The following TRRAP variants were observed in gnomAD, a reference collection of about 807,000 sequenced individuals.
The protein encoded by TRRAP is transformation/transcription domain-associated protein.
Under a neutral mutation model 438.8 loss-of-function variants are expected in TRRAP, and 41 were observed. The observed-to-expected ratio is 0.09, with a 90% CI of 0.07 to 0.12. TRRAP has a LOEUF of 0.12. Ranked by LOEUF, TRRAP falls within the 10% of genes least tolerant of loss-of-function variation. The pLI is 1.00. For missense variants in TRRAP, 3,122 were observed against 5,055.1 expected (o/e 0.62, Z 11.60); for synonymous variants, 1,994 against 1,962.9 (o/e 1.02, Z -0.42).
chr7:98,944,321 CAA>C (rs1352910291), intron 31 of TRRAP, among the ~76,000 whole-genome samples: 1 of 151,668 alleles, frequency 6.6e-6, no homozygotes, highest in African/African-American at 2.4e-5. Flanking sequence ...TCATTTGAAT[CAA>C]AAAGATTTAA....
In TRRAP at chr7:98,984,124, G is replaced by T. The variant is rs753496910; in HGVS notation, c.9054G>T (p.Gln3018His). The T allele has an allele frequency of 6.2e-7, 1 of 1,612,952 alleles. No individual in the cohort carries two copies. The highest frequency in any genetic ancestry group is 8.5e-7 in the Non-Finnish European group (1 of 1,179,442). The change falls in exon 61 of 73, where the codon CAG becomes CAT. Residue 3018 changes from glutamine (Q) to histidine (H), a missense_variant. Gln to His is a conservative substitution (Grantham distance 24, BLOSUM62 0). This residue lies in a region of TRRAP where 129 missense variants were observed against 279.2 expected (regional missense o/e 0.46). Transcript: ENST00000456197. The part of the protein sequence containing the change: ...AIVTAYENSS[Q>H]HDPSSNNAML... Reference sequence around the variant, plus strand: ...TAACTGCCTATGAGAATAGCTCTCAGCATGATCCCAGTTCAAATAACGCTA... The same window carrying T: ...TAACTGCCTATGAGAATAGCTCTCATCATGATCCCAGTTCAAATAACGCTA...
rs768255875 is a variant in TRRAP at position 99,011,120 on chromosome 7, G to A, written c.11007G>A (p.Ala3669=). Residue 3669 remains alanine, a synonymous_variant, in exon 71 of 73, where the codon GCG becomes GCA. Transcript: ENST00000456197. The surrounding 1 kb of genome is among the most constrained non-coding windows in gnomAD (Gnocchi z 7.1). ...CGCGCAGCATGCTCAAGGAGTGGGC[G>A]CTGCACACCTTCCCCAATGCCACGG... is the stretch of plus-strand genomic sequence containing the variant. The part of the protein sequence containing the change: ...MVPRSMLKEW[A]LHTFPNATDY... 59 of 1,613,994 alleles carry A rather than the reference G, an allele frequency of 3.7e-5. No homozygotes were observed. The highest frequency in any genetic ancestry group is 2.3e-4 in the Admixed American group (14 of 59,994).
chr7:98,946,190 A>G lies in TRRAP; in HGVS notation c.4548+240A>G, dbSNP rs782052233. 1.1e-4 allele frequency among the ~76,000 whole-genome samples: 17 copies of G among 152,316 alleles called. 1 individual carries two copies. The highest frequency in any genetic ancestry group is 2.0e-4 in the Admixed American group (3 of 15,298). ...CTCTTAAGTTCGTGTGAGAATTGCA[A>G]TGTCTCAATTATATTCAAGATTGAA... On this transcript the variant is annotated intron_variant, in intron 33 of 72. Transcript: ENST00000456197.
rs1793825697 is a variant in TRRAP at position 98,999,594 on chromosome 7, G to A, written c.10310-4596G>A. ...CACTGCCACTGTGTTCTTCCCATAG[G>A]TTGTCTAAGTGCTTGCATAGAGCAG... On this transcript the variant is annotated intron_variant, in intron 67 of 72. Coordinates refer to ENST00000456197, the MANE Select transcript of TRRAP (RefSeq NM_001375524.1). The A allele has an allele frequency of 2.2e-5, 17 of 769,098 alleles. 1 individual carries two copies. The highest frequency in any genetic ancestry group is 3.7e-5 in the Non-Finnish European group (16 of 435,184). The allele number at this position is 769,098 out of a possible 1,614,324, so 47.6% of individuals were successfully genotyped here.
chr7:98,999,347 T>C, intron 67 of TRRAP: 1 of 1,412,342 alleles, frequency 7.1e-7, no homozygotes, highest in Non-Finnish European at 1.0e-6. Context: ...GGATCAGACT[T>C]GACAGTGATT....
chr7:99,008,944 A>G (rs886474846), intron 70 of TRRAP, among the ~76,000 whole-genome samples: 1 of 152,024 alleles, frequency 6.6e-6, no homozygotes, highest in Non-Finnish European at 1.5e-5. Context: ...CATCCACTTC[A>G]TGTTCCTGTT....
chr7:98,924,890 G>C (rs1789971724), intron 21 of TRRAP, among the ~76,000 whole-genome samples: 1 of 151,210 alleles, frequency 6.6e-6, no homozygotes, highest in Admixed American at 6.6e-5. Context: ...TGTAGTCCCA[G>C]CTACTTGGGA....
At chr7:98,891,915 A>G (rs1554404977) in intron 4 of TRRAP, among the ~76,000 whole-genome samples, 2 of 152,230 alleles carry the variant, frequency 1.3e-5, no homozygotes, top group African/African-American at 2.4e-5. Context: ...GTATTTTTAT[A>G]TCATGCCAGT....
intron 20 of TRRAP, 57 bp downstream of exon 20, chr7:98,917,736 T>C (rs534442490): frequency 7.0e-6 from 11 of 1,582,088 alleles, no homozygotes; most frequent in Admixed American, 1.7e-5. Flanking sequence ...TGGGCCGTCA[T>C]TGGGTTCTCT....
intron 20 of TRRAP, among the ~76,000 whole-genome samples, chr7:98,919,343 G>A (rs1184292698): frequency 6.6e-6 from 1 of 152,242 alleles, no homozygotes; most frequent in Non-Finnish European, 1.5e-5. Flanking sequence ...GCTCACACCT[G>A]TAATCCCAGC....
intron 67 of TRRAP, chr7:98,998,801 TCTTAC>T: frequency 3.8e-6 from 1 of 262,414 alleles, no homozygotes; most frequent in South Asian, 6.1e-5. Context: ...TGACTCACCC[TCTTAC>T]CTTACCTCTG....
At chr7:98,935,984 A>T (rs897220316) in intron 28 of TRRAP, among the ~76,000 whole-genome samples, 1 of 152,202 alleles carries the variant, frequency 6.6e-6, no homozygotes, top group African/African-American at 2.4e-5. Flanking sequence ...ATCAGAGTGT[A>T]TATATAGTAA....
chr7:98,961,202 G>T (rs1237089900), intron 45 of TRRAP, 59 bp from the exon 46 acceptor site: 1 of 1,566,266 alleles, frequency 6.4e-7, no homozygotes, highest in African/African-American at 1.4e-5. Flanking sequence ...CTTGTTTCTA[G>T]AATTTGTTGT....
chr7:98,887,011 C>T (rs557304974), intron 3 of TRRAP, among the ~76,000 whole-genome samples: 58 of 152,336 alleles, frequency 3.8e-4, no homozygotes, highest in Middle Eastern at 3.4e-3. Flanking sequence ...AAATGATCTT[C>T]CTGCTTCGGC....
intron 41 of TRRAP, 104 bp downstream of exon 41, chr7:98,955,408 T>C (rs1791554002): frequency 5.0e-6 from 6 of 1,206,070 alleles, no homozygotes; most frequent in Non-Finnish European, 6.9e-6. Flanking sequence ...GTTCATCTTT[T>C]AGTAAGGCTA....
rs920739890 is a variant in TRRAP, at chr7:98,905,808, C to G, written c.1037-369C>G. ...GGTAGTAAAGGGGCATTTAGGAGAT[C>G]CTGTTCCCTTGTCCAAACTGGTTGG... is the stretch of plus-strand genomic sequence containing the variant. On this transcript the variant is annotated intron_variant, in intron 12 of 72. Transcript: ENST00000456197. 4.6e-5 allele frequency among the ~76,000 whole-genome samples: 7 copies of G among 152,202 alleles called. No homozygotes were observed. In the East Asian group the frequency reaches 1.3e-3, roughly 29 times the overall value.
chr7:98,930,940 T>C (rs1433711289), intron 25 of TRRAP, 110 bp downstream of exon 25: 2 of 1,373,610 alleles, frequency 1.5e-6, no homozygotes, highest in African/African-American at 1.4e-5. Flanking sequence ...GCATGGTGAC[T>C]TTGATACTCA....
At chr7:98,887,056 ATGCTCAGCT>A (rs1795748423) in intron 3 of TRRAP, among the ~76,000 whole-genome samples, 1 of 152,080 alleles carries the variant, frequency 6.6e-6, no homozygotes, top group African/African-American at 2.4e-5. Flanking sequence ...ATGCACCACC[ATGCTCAGCT>A]TGAGTGAATC....
chr7:98,905,056 A>AG (rs1554407293), intron 12 of TRRAP, among the ~76,000 whole-genome samples: 1 of 152,174 alleles, frequency 6.6e-6, no homozygotes, highest in African/African-American at 2.4e-5. Flanking sequence ...GGATCTGGAA[A>AG]GTAGTGGTCA....
Sources: gnomAD v4.1 joint callset for allele counts (sites outside exome capture counted in the v4.1 genomes callset) on GRCh38, gnomAD v4.1.1 for gene constraint, gnomAD v4.1.1 regional missense constraint, Gnocchi (gnomAD v3.1) non-coding constraint, MANE v1.5 for transcripts, NCBI Gene and HGNC (gene_info 2026-07-23, HGNC 2026-07-21) for gene names.